KLHL5: variants seen among roughly 807,000 people sequenced by gnomAD.
The protein encoded by KLHL5 is kelch like family member 5.
A neutral mutation model predicts 77.7 loss-of-function variants in KLHL5; 48 were observed. The observed-to-expected ratio is 0.62, with a 90% CI of 0.49 to 0.79. KLHL5 has a LOEUF of 0.79. Among genes scored for constraint, KLHL5 ranks in the 30% least tolerant of loss-of-function variants. The probability of loss-of-function intolerance (pLI) is 0.00; values close to 1 mark genes in which losing one functional copy is unlikely to be tolerated. For missense variants in KLHL5, 723 were observed against 859.7 expected, an observed-to-expected ratio of 0.84 and a Z score of 1.99; for synonymous variants, 260 against 297.0, an observed-to-expected ratio of 0.88 and a Z score of 1.28.
chr4:39,067,734 G>A (rs1718027745), intron 1 of KLHL5, among the ~76,000 whole-genome samples: 1 of 150,322 alleles, frequency 6.7e-6, no homozygotes, highest in East Asian at 1.9e-4. Flanking sequence ...AGACTGGAAT[G>A]CAGTGGCGGG....
At chr4:39,114,528 T>C (rs1722694819) in intron 9 of KLHL5, among the ~76,000 whole-genome samples, 1 of 152,220 alleles carries the variant, frequency 6.6e-6, no homozygotes, top group Non-Finnish European at 1.5e-5. Flanking sequence ...GTATTGGTGT[T>C]GTTTGAGAAA....
At chr4:39,141,667 T>G in the KLHL5 span, among the ~76,000 whole-genome samples, 1 of 151,766 alleles carries the variant, frequency 6.6e-6, no homozygotes. Flanking sequence ...CACTTATAAT[T>G]GTGCCCAGCA....
the KLHL5 span, among the ~76,000 whole-genome samples, chr4:39,133,023 A>G: frequency 6.7e-6 from 1 of 148,566 alleles, no homozygotes; most frequent in Non-Finnish European, 1.5e-5. Flanking sequence ...GTCCATCCAC[A>G]TCTGCACACT....
intron 1 of KLHL5, among the ~76,000 whole-genome samples, chr4:39,054,201 A>T (rs1430194632): frequency 6.6e-6 from 1 of 152,054 alleles, no homozygotes; most frequent in African/African-American, 2.4e-5. Context: ...TTGCACAACT[A>T]CTCTACCTGC....
At chr4:39,106,107 G>A (rs925974115) in intron 7 of KLHL5, among the ~76,000 whole-genome samples, 5 of 152,070 alleles carry the variant, frequency 3.3e-5, no homozygotes, top group African/African-American at 9.7e-5. Context: ...GTCTCTGACT[G>A]TCCTGCATGA....
At chr4:39,063,992 A>C (rs114913210) in intron 1 of KLHL5, among the ~76,000 whole-genome samples, 228 of 152,224 alleles carry the variant, frequency 1.5e-3, no homozygotes, top group African/African-American at 5.1e-3. Context: ...CATTTGTCTA[A>C]TTTGATTATT....
At chr4:39,085,343 T>C (rs555747855) in intron 4 of KLHL5, among the ~76,000 whole-genome samples, 1 of 152,188 alleles carries the variant, frequency 6.6e-6, no homozygotes, top group Non-Finnish European at 1.5e-5. Context: ...TTTAGATTAG[T>C]ACCTCACTCA....
rs1285176919 is a variant in KLHL5, at chr4:39,125,210, A to G, written c.*4144A>G. Among the ~76,000 whole-genome samples the G allele has an allele frequency of 6.6e-6, 1 of 152,172 alleles. No homozygotes were observed. Among genetic ancestry groups the G allele is most frequent in the East Asian group, 1.9e-4 (1 of 5,202 alleles). The stretch of plus-strand genomic sequence containing the variant: ...AAAATAAATGTTAGAGAGGATGTGG[A>G]GAAATTGAAAACCTTCATTCGTTGT... On this transcript the variant is annotated 3_prime_UTR_variant, in exon 11 of 11. Transcript: ENST00000504108.
chr4:39,061,315 T>C (rs1276933680), upstream of KLHL5, among the ~76,000 whole-genome samples: 1 of 152,222 alleles, frequency 6.6e-6, no homozygotes, highest in Non-Finnish European at 1.5e-5. Flanking sequence ...AGATAGGCAT[T>C]GCCTTTTGTA....
At position 39,076,058 on chromosome 4, in the gene KLHL5, A is replaced by G. The variant is rs768516212; in HGVS notation, c.477A>G (p.Gln159=). ...TCCAAGCCCTTAATCATGCCGAGCA[A>G]ACATTTAAAAAAATGGAAAACTATT... is the stretch of plus-strand genomic sequence containing the variant. ...EFFQALNHAE[Q]TFKKMENYLR... The change falls in exon 2 of 11, where the codon CAA becomes CAG. Residue 159 remains glutamine, a synonymous_variant. Coordinates refer to ENST00000504108, the MANE Select transcript of KLHL5 (RefSeq NM_015990.5). 1.9e-6 allele frequency: 3 copies of G among 1,609,828 alleles called. No homozygotes were observed. The East Asian group carries it at 6.7e-5, about 36-fold the overall frequency.
intron 4 of KLHL5, among the ~76,000 whole-genome samples, chr4:39,083,009 G>C (rs1719751164): frequency 6.6e-6 from 1 of 152,034 alleles, no homozygotes; most frequent in Non-Finnish European, 1.5e-5. Context: ...GTTTCTAAGA[G>C]AAGAAAAAAT....
intron 1 of KLHL5, among the ~76,000 whole-genome samples, chr4:39,056,109 A>C (rs1315604887): frequency 6.6e-6 from 1 of 152,206 alleles, no homozygotes; most frequent in Non-Finnish European, 1.5e-5. Flanking sequence ...GGTATAATAC[A>C]ACTGAATTTA....
At chr4:39,101,174 TTA>T (rs966849413) in intron 6 of KLHL5, among the ~76,000 whole-genome samples, 5 of 132,798 alleles carry the variant, frequency 3.8e-5, no homozygotes, top group Admixed American at 7.6e-5. Context: ...TTTAATATCT[TTA>T]TGTTTGAAAT....
intron 1 of KLHL5, among the ~76,000 whole-genome samples, chr4:39,073,654 T>C (rs926115170): frequency 6.6e-6 from 1 of 151,916 alleles, no homozygotes; most frequent in Admixed American, 6.6e-5. Context: ...TATTTATTTA[T>C]TTATTTTTGA....
At chr4:39,107,278 C>T (rs1370542549) in intron 7 of KLHL5, among the ~76,000 whole-genome samples, 1 of 152,014 alleles carries the variant, frequency 6.6e-6, no homozygotes, top group African/African-American at 2.4e-5. Context: ...AAACTCCTGA[C>T]CTCAAGTGAT....
chr4:39,104,770 C>CTT (rs879766636), intron 7 of KLHL5, among the ~76,000 whole-genome samples: 2 of 146,436 alleles, frequency 1.4e-5, no homozygotes, highest in African/African-American at 2.5e-5. Context: ...AAGAAATAAA[C>CTT]TTTTTTTTTT....
At chr4:39,105,773 CAT>C (rs71192821) in intron 7 of KLHL5, among the ~76,000 whole-genome samples, 1 of 140,584 alleles carries the variant, frequency 7.1e-6, no homozygotes, top group Non-Finnish European at 1.6e-5. Context: ...CACACACACA[CAT>C]AAAATCTCCA....
At chr4:39,137,513 A>T in the KLHL5 span, among the ~76,000 whole-genome samples, 2 of 152,130 alleles carry the variant, frequency 1.3e-5, no homozygotes, top group Non-Finnish European at 2.9e-5. Flanking sequence ...AGTCCCAGCT[A>T]CTTGGGAGGC....
the KLHL5 span, among the ~76,000 whole-genome samples, chr4:39,133,411 A>C: frequency 6.6e-6 from 1 of 152,002 alleles, no homozygotes; most frequent in Admixed American, 6.6e-5. Flanking sequence ...TAAAAATGTG[A>C]TAAGTATTAT....
Sources: gnomAD v4.1 joint callset for allele counts (sites outside exome capture counted in the v4.1 genomes callset) on GRCh38, gnomAD v4.1.1 for gene constraint, MANE v1.5 for transcripts, NCBI Gene and HGNC (gene_info 2026-07-23, HGNC 2026-07-21) for gene names.